The following BSDC1 variants were observed in gnomAD, a reference collection of about 807,000 sequenced individuals.
BSDC1 encodes the protein BSD domain-containing protein 1.
BSDC1 carries 29 observed loss-of-function variants against 56.0 expected under a neutral mutation model. That is an observed-to-expected ratio of 0.52 (90% confidence interval 0.39 to 0.71). The LOEUF (loss-of-function observed/expected upper bound fraction) is 0.71. BSDC1 is among the 30% of genes least tolerant of loss of function. BSDC1 has a pLI of 0.00. For synonymous variants in BSDC1, 210 were observed against 215.3 expected (o/e 0.98, Z 0.21); for missense variants, 477 against 548.5 (o/e 0.87, Z 1.30).
intron 10 of BSDC1, 132 bp downstream of exon 10, chr1:32,368,315 C>T: frequency 6.2e-7 from 1 of 1,608,534 alleles, no homozygotes; most frequent in Non-Finnish European, 8.5e-7. Flanking sequence ...GAAGCTCCAG[C>T]TCCTTTCCCA....
intron 5 of BSDC1, 98 bp downstream of exon 5, chr1:32,381,116 G>A: frequency 8.6e-7 from 1 of 1,159,036 alleles, no homozygotes; most frequent in Non-Finnish European, 1.3e-6. Flanking sequence ...TACATAGGGG[G>A]TGCCCGGCCT....
intron 10 of BSDC1, chr1:32,367,239 C>G (rs570507375): frequency 2.9e-5 from 29 of 985,322 alleles, no homozygotes; most frequent in Non-Finnish European, 3.3e-5. Context: ...TGCTTTGTTC[C>G]TACTCTTGGC....
intron 5 of BSDC1, among the ~76,000 whole-genome samples, chr1:32,380,947 G>T: frequency 6.6e-6 from 1 of 152,160 alleles, no homozygotes; most frequent in African/African-American, 2.4e-5. Flanking sequence ...GAAGGCAAGG[G>T]GGGCAGCAGG....
rs923787796 is a variant in BSDC1 at position 32,365,211 on chromosome 1, G to A, written c.*1411C>T. The A allele has an allele frequency of 7.9e-5, 12 of 152,178 alleles. No individual in the cohort carries two copies. Among genetic ancestry groups the A allele is most frequent in the Admixed American group, 7.2e-4 (11 of 15,276 alleles). 9.4% of individuals were successfully genotyped at this position (152,178 alleles called of 1,614,324 possible). On this transcript the variant is annotated 3_prime_UTR_variant, in exon 11 of 11. Transcript: ENST00000455895. ...TTAATTATAAAACTAACAGCTGTTA[G>A]AATCTTTTTTTCTTTTTTTCCTTTT...
At chr1:32,380,061 G>A (rs1028647091) in intron 5 of BSDC1, among the ~76,000 whole-genome samples, 2 of 152,120 alleles carry the variant, frequency 1.3e-5, no homozygotes, top group African/African-American at 4.8e-5. Flanking sequence ...GTGGAGAGAG[G>A]GCTTGTCATT....
intron 9 of BSDC1, chr1:32,369,187 G>A: frequency 9.2e-7 from 1 of 1,090,920 alleles, no homozygotes; most frequent in Non-Finnish European, 1.2e-6. Flanking sequence ...GGTTAGGCTG[G>A]AGAAGAACTT....
chr1:32,376,802 C>T, intron 8 of BSDC1, 61 bp from the exon 9 acceptor site: 2 of 1,322,210 alleles, frequency 1.5e-6, no homozygotes, highest in African/African-American at 2.9e-5. Flanking sequence ...ATAAGACAAC[C>T]TTGGAGCTCT....
rs537424305 is a variant in BSDC1, at chr1:32,387,355, T to C, written c.73-460A>G. The stretch of plus-strand genomic sequence containing the variant: ...AAGGTATGTGATTTTTTTTTTTTTT[T>C]CTTGAGACAGAGTCTCGCTCTCGTT... On this transcript the variant is annotated intron_variant, in intron 2 of 10. Coordinates refer to ENST00000455895, the MANE Select transcript of BSDC1 (RefSeq NM_018045.8). Among the ~76,000 whole-genome samples, 10 of 151,906 alleles carry C rather than the reference T, an allele frequency of 6.6e-5. No homozygotes were observed. The East Asian group carries it at 1.4e-3, about 21-fold the overall frequency.
At chr1:32,371,168 C>T (rs1450788082) in intron 9 of BSDC1, among the ~76,000 whole-genome samples, 1 of 152,038 alleles carries the variant, frequency 6.6e-6, no homozygotes, top group Non-Finnish European at 1.5e-5. Flanking sequence ...AAAATGTGCC[C>T]ATAGATGCAT....
intron 2 of BSDC1, among the ~76,000 whole-genome samples, chr1:32,392,661 A>C (rs1021243244): frequency 4.6e-5 from 7 of 152,196 alleles, no homozygotes; most frequent in Admixed American, 2.0e-4. Context: ...GTTAGGGTGC[A>C]AGCCTCTCAG....
At chr1:32,377,242 C>G (rs1285699367) in intron 8 of BSDC1, among the ~76,000 whole-genome samples, 1 of 152,194 alleles carries the variant, frequency 6.6e-6, no homozygotes, top group Non-Finnish European at 1.5e-5. Context: ...AGCCCTGGGG[C>G]CTAATGCCTG....
intron 3 of BSDC1, among the ~76,000 whole-genome samples, chr1:32,385,608 T>G (rs1311824023): frequency 6.6e-6 from 1 of 151,946 alleles, no homozygotes; most frequent in Non-Finnish European, 1.5e-5. Context: ...GCACCTGTGG[T>G]CCCAGCTATT....
intron 3 of BSDC1, 198 bp downstream of exon 3, chr1:32,386,580 GA>G (rs1243735249): frequency 2.0e-6 from 1 of 489,728 alleles, no homozygotes; most frequent in Non-Finnish European, 3.6e-6. Context: ...AAACAATACA[GA>G]AGTGGGAAAA....
chr1:32,389,403 G>T (rs1378874294), intron 2 of BSDC1, among the ~76,000 whole-genome samples: 1 of 152,170 alleles, frequency 6.6e-6, no homozygotes, highest in African/African-American at 2.4e-5. Flanking sequence ...AATTTACATG[G>T]ACCATTGAAA....
Position 32,378,748 on chromosome 1 carries a change from G to T in BSDC1, c.504C>A (p.Ser168=). ...EISELLVGSP[S]IRALYTKMVP... is the part of the protein sequence containing the mutation. ...CCATCTTGGTGTAGAGGGCCCGGAT[G>T]GAGGGGCTGCCTACAAGGAGCTCTG... The change falls in exon 6 of 11, where the codon TCC becomes TCA. Residue 168 remains serine, a synonymous_variant. Transcript: ENST00000455895. The surrounding 1 kb of genome is among the most constrained non-coding windows in gnomAD (Gnocchi z 5.2). 6.5e-7 allele frequency: 1 copy of T among 1,535,502 alleles called. No homozygotes were observed. Among genetic ancestry groups the T allele is most frequent in the Non-Finnish European group, 8.8e-7 (1 of 1,139,438 alleles).
intron 2 of BSDC1, among the ~76,000 whole-genome samples, chr1:32,392,304 T>C (rs1045523226): frequency 6.6e-6 from 1 of 152,114 alleles, no homozygotes; most frequent in Non-Finnish European, 1.5e-5. Flanking sequence ...CACTCCAGCC[T>C]GGTAACAGAG....
chr1:32,385,255 G>A (rs926804014), intron 3 of BSDC1, among the ~76,000 whole-genome samples: 1 of 152,108 alleles, frequency 6.6e-6, no homozygotes, highest in Non-Finnish European at 1.5e-5. Context: ...TCTTATAAGA[G>A]GTTTCCACTG....
intron 5 of BSDC1, among the ~76,000 whole-genome samples, chr1:32,379,298 C>T (rs1642405847): frequency 6.6e-6 from 1 of 151,998 alleles, no homozygotes; most frequent in Non-Finnish European, 1.5e-5. Context: ...GTGGGCTTCT[C>T]GTTTTCCTTT....
At chr1:32,389,908 G>A (rs934974237) in intron 2 of BSDC1, among the ~76,000 whole-genome samples, 7 of 151,630 alleles carry the variant, frequency 4.6e-5, no homozygotes, top group Non-Finnish European at 8.8e-5. Context: ...GGGTGGTTGA[G>A]GCTGCAGTGG....
Sources: allele counts gnomAD v4.1 joint callset (sites outside exome capture counted in the v4.1 genomes callset), GRCh38; gene constraint gnomAD v4.1.1; non-coding constraint Gnocchi (gnomAD v3.1); transcripts MANE v1.5; gene names NCBI Gene and HGNC (gene_info 2026-07-23, HGNC 2026-07-21).